ATP2C1: variants seen among roughly 807,000 people sequenced by gnomAD.
ATP2C1 encodes the protein calcium-transporting ATPase type 2C member 1.
A neutral mutation model predicts 120.5 loss-of-function variants in ATP2C1; 31 were observed. The observed-to-expected ratio is 0.26, with a 90% CI of 0.19 to 0.35. The LOEUF is 0.35. Ranked by LOEUF, ATP2C1 falls within the 10% of genes least tolerant of loss-of-function variation. The pLI is 1.00. For missense variants in ATP2C1, 731 were observed against 1,107.5 expected (o/e 0.66, Z 4.83); for synonymous variants, 351 against 358.7 (o/e 0.98, Z 0.24).
At chr3:130,857,733 C>CT (rs1489835098) in intron 1 of ATP2C1, among the ~76,000 whole-genome samples, 1 of 152,158 alleles carries the variant, frequency 6.6e-6, no homozygotes, top group Non-Finnish European at 1.5e-5. Flanking sequence ...GCATGTTGAC[C>CT]TTGCCCCTCT....
intron 8 of ATP2C1, among the ~76,000 whole-genome samples, chr3:130,951,952 T>C (rs899400870): frequency 2.6e-5 from 4 of 151,742 alleles, no homozygotes; most frequent in African/African-American, 9.7e-5. Flanking sequence ...TAAACTGTTA[T>C]TTTTGCAGTT....
intron 11 of ATP2C1, 58 bp from the exon 12 acceptor site, chr3:130,959,217 T>C: frequency 1.5e-6 from 2 of 1,294,890 alleles, no homozygotes; most frequent in Non-Finnish European, 2.2e-6. Flanking sequence ...CAGCTTGTTC[T>C]GTTCCTTCTA....
intron 1 of ATP2C1, among the ~76,000 whole-genome samples, chr3:130,864,774 T>C (rs926661746): frequency 1.3e-5 from 2 of 152,214 alleles, no homozygotes; most frequent in South Asian, 2.1e-4. Flanking sequence ...AAGTCAAGAA[T>C]TGAGGTTTGG....
At chr3:130,929,599 C>CT (rs934218654) in intron 2 of ATP2C1, among the ~76,000 whole-genome samples, 1 of 152,126 alleles carries the variant, frequency 6.6e-6, no homozygotes, top group Non-Finnish European at 1.5e-5. Flanking sequence ...GTTTTCGTCT[C>CT]TTAAGTTTCA....
At chr3:130,973,976 A>G (rs1005190308) in intron 17 of ATP2C1, among the ~76,000 whole-genome samples, 1 of 152,216 alleles carries the variant, frequency 6.6e-6, no homozygotes, top group African/African-American at 2.4e-5. Context: ...GGATAGAGGT[A>G]GAGGGTTGTT....
At chr3:130,886,704 ATTTG>A (rs201667929) in intron 1 of ATP2C1, among the ~76,000 whole-genome samples, 3,609 of 152,082 alleles carry the variant, frequency 0.024, 53 homozygotes, top group Middle Eastern at 0.058. Flanking sequence ...AACTATTTCA[ATTTG>A]TTTGTTAAAT....
intron 8 of ATP2C1, among the ~76,000 whole-genome samples, chr3:130,948,905 G>A (rs2060256624): frequency 6.6e-6 from 1 of 151,880 alleles, no homozygotes; most frequent in African/African-American, 2.4e-5. Flanking sequence ...ATTGTTTTGG[G>A]GCATCATTAA....
At chr3:131,013,975 A>T in intron 26 of ATP2C1, 1 of 1,005,986 alleles carries the variant, frequency 9.9e-7, no homozygotes, top group Non-Finnish European at 1.4e-6. Flanking sequence ...CTAAAGAAAA[A>T]GCTAATTGTT....
chr3:130,981,477 G>A (rs894192254), intron 20 of ATP2C1, among the ~76,000 whole-genome samples: 1 of 152,062 alleles, frequency 6.6e-6, no homozygotes, highest in Non-Finnish European at 1.5e-5. Context: ...TGATGATTAT[G>A]AATAAAGATG....
intron 26 of ATP2C1, among the ~76,000 whole-genome samples, chr3:131,010,617 C>T (rs1426349087): frequency 6.6e-6 from 1 of 152,156 alleles, no homozygotes; most frequent in Admixed American, 6.5e-5. Flanking sequence ...GGGGATAATT[C>T]CTTCTGGTCT....
At chr3:130,959,460 G>A (rs1011661107) in intron 12 of ATP2C1, 119 bp downstream of exon 12, 21 of 658,626 alleles carry the variant, frequency 3.2e-5, no homozygotes, top group South Asian at 1.4e-4. Flanking sequence ...GTATAACATC[G>A]CTACATAAAT....
Position 130,894,701 on chromosome 3 carries a change from T to G in ATP2C1, c.-69T>G, listed in dbSNP as rs1195582378. On this transcript the variant is annotated 5_prime_UTR_variant, in exon 2 of 28. Transcript: ENST00000510168. This position sits in a 1 kb window ranked among gnomAD's most constrained non-coding sequence, Gnocchi z 4.5. ...CCTTGTCCTCCTCCTCTCCTCTCTA[T>G]TCCCAGTGTGGCCGTGGCTGACACT... 1 of 1,613,130 alleles carries G rather than the reference T, an allele frequency of 6.2e-7. No individual in the cohort carries two copies. Among genetic ancestry groups the G allele is most frequent in the Non-Finnish European group, 8.5e-7 (1 of 1,179,474 alleles).
At chr3:130,947,505 T>G (rs2060201980) in intron 8 of ATP2C1, among the ~76,000 whole-genome samples, 1 of 152,202 alleles carries the variant, frequency 6.6e-6, no homozygotes, top group African/African-American at 2.4e-5. Context: ...TTCTGGACAT[T>G]TCATATAAGT....
chr3:130,900,049 T>C (rs141977250), intron 2 of ATP2C1, among the ~76,000 whole-genome samples: 35 of 152,176 alleles, frequency 2.3e-4, no homozygotes, highest in Non-Finnish European at 4.1e-4. Context: ...TTTTTCCCTT[T>C]GTGCTTATTT....
intron 8 of ATP2C1, among the ~76,000 whole-genome samples, chr3:130,948,371 T>C (rs1268584278): frequency 2.0e-5 from 3 of 152,090 alleles, no homozygotes; most frequent in Non-Finnish European, 4.4e-5. Flanking sequence ...ATATTATAAA[T>C]GTCTGCTCTT....
intron 9 of ATP2C1, 123 bp downstream of exon 9, chr3:130,954,099 C>A: frequency 1.0e-6 from 1 of 997,312 alleles, no homozygotes; most frequent in Non-Finnish European, 1.5e-6. Context: ...TTGAACTTAA[C>A]CCATTACATC....
Position 131,002,177 on chromosome 3 carries a change from T to G in ATP2C1, c.*827T>G, listed in dbSNP as rs2062919053. 4.1e-6 allele frequency: 4 copies of G among 976,514 alleles called. No homozygotes were observed. The highest frequency in any genetic ancestry group is 4.9e-6 in the Non-Finnish European group (4 of 821,856). The allele number at this position is 976,514 out of a possible 1,614,324, so 60.5% of individuals were successfully genotyped here. A position where few individuals can be genotyped will look rare whatever the true frequency, so the allele number is the denominator to read the frequency against. On this transcript the variant is annotated 3_prime_UTR_variant, in exon 28 of 28. Coordinates refer to ENST00000510168, the MANE Select transcript of ATP2C1 (RefSeq NM_001378687.1). ...TTATAATAAATTATATTAACATGTC[T>G]TCCTTTTTGAGGTAAAGATATATAC...
Position 130,967,180 on chromosome 3 carries a change from G to T in ATP2C1, c.1158G>T (p.Val386=). ...TGVGYNQFGE[V]IVDGDVVHGF... ...TTGGCTATAATCAATTTGGGGAAGT[G>T]ATTGTTGATGGTGATGTTGTTCATG... The change falls in exon 15 of 28, where the codon GTG becomes GTT. Residue 386 remains valine (V), a synonymous_variant. Coordinates refer to ENST00000510168, the MANE Select transcript of ATP2C1 (RefSeq NM_001378687.1). 6.2e-7 allele frequency: 1 copy of T among 1,613,846 alleles called. No homozygotes were observed. Among genetic ancestry groups the T allele is most frequent in the Non-Finnish European group, 8.5e-7 (1 of 1,179,814 alleles).
At chr3:130,999,717 GTGTT>G (rs2108950260) in intron 27 of ATP2C1, 58 bp downstream of exon 27, 5 of 1,463,576 alleles carry the variant, frequency 3.4e-6, no homozygotes, top group Non-Finnish European at 3.8e-6. Context: ...ATTTTCTAAT[GTGTT>G]TGTTTTAATT....
Sources: gnomAD v4.1 joint callset for allele counts (sites outside exome capture counted in the v4.1 genomes callset) on GRCh38, gnomAD v4.1.1 for gene constraint, Gnocchi (gnomAD v3.1) non-coding constraint, MANE v1.5 for transcripts, NCBI Gene and HGNC (gene_info 2026-07-23, HGNC 2026-07-21) for gene names.